The following KCTD16 variants were observed in gnomAD, a reference collection of about 807,000 sequenced individuals.
KCTD16 encodes BTB/POZ domain-containing protein KCTD16.
KCTD16 carries 13 observed loss-of-function variants against 33.2 expected under a neutral mutation model. The ratio of observed to expected loss-of-function variants is 0.39; its 90% CI spans 0.25 to 0.62. The LOEUF (loss-of-function observed/expected upper bound fraction) is 0.62, where lower values mean the gene tolerates loss of function less well. KCTD16 is among the 20% of genes least tolerant of loss of function. The probability of loss-of-function intolerance (pLI) is 0.50; values close to 1 mark genes in which losing one functional copy is unlikely to be tolerated. For missense variants in KCTD16, 441 were observed against 525.1 expected (o/e 0.84, Z 1.57); for synonymous variants, 197 against 195.3 (o/e 1.01, Z -0.07).
chr5:144,338,398 C>A (rs1021194833), intron 3 of KCTD16, among the ~76,000 whole-genome samples: 1 of 152,150 alleles, frequency 6.6e-6, no homozygotes, highest in Admixed American at 6.5e-5. Flanking sequence ...TCAAGTTTTT[C>A]GATCTTTCTG....
chr5:144,237,126 C>G (rs1003605484), intron 3 of KCTD16, among the ~76,000 whole-genome samples: 3 of 151,956 alleles, frequency 2.0e-5, no homozygotes, highest in Admixed American at 6.6e-5. Flanking sequence ...CATTCTGGGT[C>G]CCTACCCAGA....
rs148224516 is a variant in KCTD16, at chr5:144,284,418, G to A, written c.832+76872G>A. ...AAAGAAATCCTTCCTACTTCGCAGC[G>A]TGGCTTAGAAGCCTATTTTATGTTA... is the stretch of plus-strand genomic sequence containing the variant. On this transcript the variant is annotated intron_variant, in intron 3 of 3. Transcript: ENST00000512467. Among the ~76,000 whole-genome samples, 167 of 152,318 alleles carry A rather than the reference G, an allele frequency of 1.1e-3. 1 individual carries two copies. The highest frequency in any genetic ancestry group is 3.7e-3 in the African/African-American group (155 of 41,562).
At chr5:144,247,355 A>G (rs556352859) in intron 3 of KCTD16, among the ~76,000 whole-genome samples, 2 of 152,302 alleles carry the variant, frequency 1.3e-5, no homozygotes, top group African/African-American at 4.8e-5. Context: ...ACTCAGGCAC[A>G]CAGAGAGACT....
chr5:144,303,525 G>A (rs1751503275), intron 3 of KCTD16, among the ~76,000 whole-genome samples: 1 of 152,200 alleles, frequency 6.6e-6, no homozygotes, highest in African/African-American at 2.4e-5. Flanking sequence ...TCAGTCTCTT[G>A]TCAAAAGTTT....
intron 3 of KCTD16, among the ~76,000 whole-genome samples, chr5:144,228,447 G>A (rs911709569): frequency 3.9e-5 from 6 of 152,168 alleles, no homozygotes; most frequent in South Asian, 2.1e-4. Flanking sequence ...CAGCAGTTTC[G>A]ATGAACTGCT....
intron 3 of KCTD16, among the ~76,000 whole-genome samples, chr5:144,273,898 C>A (rs1298418161): frequency 6.6e-6 from 1 of 151,558 alleles, no homozygotes; most frequent in Non-Finnish European, 1.5e-5. Flanking sequence ...TTTGTTAACA[C>A]AAACTTGTAT....
intron 3 of KCTD16, among the ~76,000 whole-genome samples, chr5:144,304,341 A>C (rs1271478074): frequency 1.3e-5 from 2 of 152,208 alleles, no homozygotes; most frequent in Non-Finnish European, 2.9e-5. Flanking sequence ...TTTCTGCTGC[A>C]CTTAGCTTTA....
At chr5:144,231,030 C>G (rs901173154) in intron 3 of KCTD16, among the ~76,000 whole-genome samples, 2 of 152,164 alleles carry the variant, frequency 1.3e-5, no homozygotes, top group African/African-American at 2.4e-5. Context: ...GGTGAAGGGC[C>G]TTATGTGACG....
rs34088371 is a variant in KCTD16, at chr5:144,419,791, AT to A, written c.833-53865del. Among the ~76,000 whole-genome samples the A allele has an allele frequency of 3.5e-3, 534 of 152,220 alleles. 4 individuals are homozygous for A. Among genetic ancestry groups the A allele is most frequent in the Non-Finnish European group, 6.4e-3 (435 of 68,004 alleles). ...TAGACCAAAGTTTTTATTTTATCTA[AT>A]TTTAAGTAATTTAATTTAAATTAGC... On this transcript the variant is annotated intron_variant, in intron 3 of 3. Transcript: ENST00000512467.
At chr5:144,189,020 A>T (rs1049754526) in intron 2 of KCTD16, among the ~76,000 whole-genome samples, 4 of 152,218 alleles carry the variant, frequency 2.6e-5, no homozygotes, top group African/African-American at 2.4e-5. Flanking sequence ...TTGCAAACAC[A>T]TTGATAAAGG....
chr5:144,185,917 AT>A (rs1460002538), intron 2 of KCTD16, among the ~76,000 whole-genome samples: 2 of 152,126 alleles, frequency 1.3e-5, no homozygotes, highest in East Asian at 3.9e-4. Flanking sequence ...GTCAAGTGCT[AT>A]TATCATCCTG....
intron 3 of KCTD16, among the ~76,000 whole-genome samples, chr5:144,347,032 A>G (rs1752821403): frequency 6.6e-6 from 1 of 152,152 alleles, no homozygotes; most frequent in Non-Finnish European, 1.5e-5. Context: ...TTATTTTTGT[A>G]TATGGTGATA....
At chr5:144,277,318 T>G (rs972689002) in intron 3 of KCTD16, among the ~76,000 whole-genome samples, 2 of 152,192 alleles carry the variant, frequency 1.3e-5, no homozygotes, top group Non-Finnish European at 2.9e-5. Flanking sequence ...ATGATGATGG[T>G]GATGAGACTG....
rs571003737 is a variant in KCTD16, at chr5:144,438,171, A to G, written c.833-35489A>G. On this transcript the variant is annotated intron_variant, in intron 3 of 3. Transcript: ENST00000512467. Reference sequence around the variant, plus strand: ...ACTTAAAATTAGATGTGTGGTTCACATTATATTTCTATTAGCCAGCACTAG... The same window carrying G: ...ACTTAAAATTAGATGTGTGGTTCACGTTATATTTCTATTAGCCAGCACTAG... Among the ~76,000 whole-genome samples, 173 of 152,350 alleles carry G rather than the reference A, an allele frequency of 1.1e-3. 1 individual carries two copies. The highest frequency in any genetic ancestry group is 4.0e-3 in the African/African-American group (168 of 41,572).
At chr5:144,253,682 T>C (rs1264620011) in intron 3 of KCTD16, among the ~76,000 whole-genome samples, 1 of 152,158 alleles carries the variant, frequency 6.6e-6, no homozygotes, top group Non-Finnish European at 1.5e-5. Context: ...TTTTTAAAGA[T>C]GTTTTACCTG....
At chr5:144,460,075 G>A (rs919937640) in intron 3 of KCTD16, among the ~76,000 whole-genome samples, 34 of 151,792 alleles carry the variant, frequency 2.2e-4, no homozygotes, top group South Asian at 2.1e-3. Context: ...CTCGTGATCC[G>A]CCCGCCTCAG....
intron 3 of KCTD16, among the ~76,000 whole-genome samples, chr5:144,257,951 G>A (rs986498287): frequency 6.6e-5 from 10 of 152,062 alleles, no homozygotes; most frequent in African/African-American, 2.4e-4. Flanking sequence ...TAAGTTATAA[G>A]GATATTTCTC....
chr5:144,256,211 C>G (rs186376903), intron 3 of KCTD16, among the ~76,000 whole-genome samples: 105 of 152,286 alleles, frequency 6.9e-4, no homozygotes, highest in African/African-American at 2.5e-3. Flanking sequence ...GGAATAGATG[C>G]AGCATCATTT....
At chr5:144,223,255 C>T (rs1171365539) in intron 3 of KCTD16, among the ~76,000 whole-genome samples, 2 of 151,996 alleles carry the variant, frequency 1.3e-5, no homozygotes, top group East Asian at 1.9e-4. Context: ...AACAAACCTG[C>T]ACATTGTGCA....
Sources: gnomAD v4.1 joint callset for allele counts (sites outside exome capture counted in the v4.1 genomes callset) on GRCh38, gnomAD v4.1.1 for gene constraint, MANE v1.5 for transcripts, NCBI Gene and HGNC (gene_info 2026-07-23, HGNC 2026-07-21) for gene names.